TMEM38B: variants seen among roughly 807,000 people sequenced by gnomAD.
The protein encoded by TMEM38B is transmembrane protein 38B.
In TMEM38B, 24 loss-of-function variants were observed where a neutral mutation model predicts 28.7. That is an observed-to-expected ratio of 0.84 (90% CI 0.61 to 1.18). The LOEUF (loss-of-function observed/expected upper bound fraction) is 1.18. Ranked by LOEUF, TMEM38B falls within the 50% of genes most tolerant of loss-of-function variation. TMEM38B has a pLI of 0.00. For missense variants in TMEM38B, 380 were observed against 350.9 expected (o/e 1.08, Z -0.66); for synonymous variants, 131 against 127.7 (o/e 1.03, Z -0.17).
chr9:105,744,732 C>T (rs1837328524), intron 4 of TMEM38B, among the ~76,000 whole-genome samples: 1 of 152,094 alleles, frequency 6.6e-6, no homozygotes, highest in Non-Finnish European at 1.5e-5. Flanking sequence ...GCTATCCCTC[C>T]CCATTTCCCC....
intron 4 of TMEM38B, among the ~76,000 whole-genome samples, chr9:105,744,616 AG>A (rs1431266942): frequency 6.6e-6 from 1 of 151,014 alleles, no homozygotes; most frequent in Non-Finnish European, 1.5e-5. Context: ...TTTAAGTTTT[AG>A]GGTACATGTG....
chr9:105,773,272 G>A (rs1826618203), intron 5 of TMEM38B, among the ~76,000 whole-genome samples: 1 of 152,200 alleles, frequency 6.6e-6, no homozygotes, highest in Middle Eastern at 3.4e-3. Flanking sequence ...AATATATGTG[G>A]AAAAAATTGG....
intron 4 of TMEM38B, 31 bp downstream of exon 4, chr9:105,722,652 G>C (rs762995953): frequency 1.9e-6 from 3 of 1,557,072 alleles, no homozygotes; most frequent in Non-Finnish European, 1.8e-6. Flanking sequence ...CTGAGACCTA[G>C]ATGTTTATCC....
intron 2 of TMEM38B, among the ~76,000 whole-genome samples, chr9:105,706,877 A>G (rs942755025): frequency 2.6e-5 from 4 of 152,154 alleles, no homozygotes; most frequent in Admixed American, 2.6e-4. Flanking sequence ...CCTGGGTTCA[A>G]GCGATTCTCC....
chr9:105,753,484 G>A (rs111468427), intron 5 of TMEM38B, among the ~76,000 whole-genome samples: 264 of 152,226 alleles, frequency 1.7e-3, no homozygotes, highest in African/African-American at 4.7e-3. Flanking sequence ...GAAACCCTAC[G>A]AGCCAGAAGA....
chr9:105,761,259 T>G (rs1476038242), intron 5 of TMEM38B, among the ~76,000 whole-genome samples: 1 of 152,182 alleles, frequency 6.6e-6, no homozygotes, highest in East Asian at 1.9e-4. Context: ...TTTTTCCACT[T>G]TTGATCTATT....
intron 4 of TMEM38B, among the ~76,000 whole-genome samples, chr9:105,735,757 C>T (rs1242025080): frequency 2.0e-5 from 3 of 152,140 alleles, no homozygotes; most frequent in Non-Finnish European, 4.4e-5. Flanking sequence ...GATTATGCAT[C>T]TTGGTAAAGA....
chr9:105,699,804 A>G (rs544193501), intron 1 of TMEM38B, among the ~76,000 whole-genome samples: 4 of 152,234 alleles, frequency 2.6e-5, no homozygotes, highest in South Asian at 4.1e-4. Context: ...GTGATTGGCT[A>G]TAGTTTTCAG....
intron 1 of TMEM38B, among the ~76,000 whole-genome samples, chr9:105,703,823 T>G (rs1259794956): frequency 6.6e-6 from 1 of 152,154 alleles, no homozygotes; most frequent in African/African-American, 2.4e-5. Flanking sequence ...TTTTCATGTG[T>G]TTTTTGGCTG....
chr9:105,741,347 A>G (rs967797230), intron 4 of TMEM38B, among the ~76,000 whole-genome samples: 24 of 152,176 alleles, frequency 1.6e-4, no homozygotes, highest in African/African-American at 5.8e-4. Context: ...GGTGGAGGCT[A>G]GAGGAATTTT....
At chr9:105,749,205 A>T (rs1469022763) in intron 5 of TMEM38B, 1 of 887,946 alleles carries the variant, frequency 1.1e-6, no homozygotes, top group African/African-American at 1.8e-5. Context: ...AGCTTTATTG[A>T]GATATATTTT....
intron 5 of TMEM38B, among the ~76,000 whole-genome samples, chr9:105,752,166 C>T (rs569381027): frequency 6.6e-6 from 1 of 152,260 alleles, no homozygotes; most frequent in Admixed American, 6.5e-5. Flanking sequence ...AGCCAGGGTT[C>T]TCCATCTCTC....
chr9:105,775,249 G>T lies in TMEM38B; in HGVS notation c.*1169G>T, dbSNP rs1203805263. On this transcript the variant is annotated 3_prime_UTR_variant, in exon 6 of 6. Transcript: ENST00000374692. ...AAACAGAGAAACCAGAACTTCATAT[G>T]GCAGTCCATTTAGATGAAGAATGAT... is the stretch of plus-strand genomic sequence containing the variant. 1 of 152,054 alleles carries T rather than the reference G, an allele frequency of 6.6e-6. No individual in the cohort carries two copies. Among genetic ancestry groups the T allele is most frequent in the Non-Finnish European group, 1.5e-5 (1 of 67,974 alleles). The allele number at this position is 152,054 out of a possible 1,614,324, so 9.4% of individuals were successfully genotyped here.
At chr9:105,712,309 A>G (rs1321243342) in intron 2 of TMEM38B, among the ~76,000 whole-genome samples, 2 of 152,218 alleles carry the variant, frequency 1.3e-5, no homozygotes, top group Admixed American at 1.3e-4. Context: ...TTTATCACTC[A>G]GTGCTTATCC....
intron 5 of TMEM38B, among the ~76,000 whole-genome samples, chr9:105,750,485 G>A (rs902363742): frequency 2.0e-5 from 3 of 152,088 alleles, no homozygotes; most frequent in African/African-American, 2.4e-5. Flanking sequence ...TTAGTTGTGC[G>A]CGCCTGTAAT....
At chr9:105,731,277 T>C (rs1020713190) in intron 4 of TMEM38B, among the ~76,000 whole-genome samples, 1 of 150,856 alleles carries the variant, frequency 6.6e-6, no homozygotes, top group Non-Finnish European at 1.5e-5. Flanking sequence ...TTTGTTCTCA[T>C]TGGTTTCAAA....
rs539027733 is a variant in TMEM38B at position 105,694,599 on chromosome 9, A to C, written c.-62A>C. 3.0e-5 allele frequency: 43 copies of C among 1,429,772 alleles called. No homozygotes were observed. The East Asian group carries it at 6.2e-4, about 21-fold the overall frequency. The allele number at this position is 1,429,772 out of a possible 1,614,324, so 88.6% of individuals were successfully genotyped here. On this transcript the variant is annotated 5_prime_UTR_variant, in exon 1 of 6. Transcript: ENST00000374692. ...GCGGCTGTGCCCTCTCCTACTCCTC[A>C]CCGCGCGAGCGCGGGGAACCAGTAG...
chr9:105,772,791 A>G (rs1588484877), intron 5 of TMEM38B, among the ~76,000 whole-genome samples: 1 of 152,270 alleles, frequency 6.6e-6, no homozygotes, highest in East Asian at 1.9e-4. Flanking sequence ...AAATGATAGT[A>G]CACTATGGCT....
chr9:105,721,788 A>T (rs1411780968), intron 3 of TMEM38B, 67 bp downstream of exon 3: 2 of 1,204,506 alleles, frequency 1.7e-6, no homozygotes, highest in African/African-American at 1.6e-5. Context: ...ATTACTGAAC[A>T]ATTCTCTAGT....
Sources: gnomAD v4.1 joint callset for allele counts (sites outside exome capture counted in the v4.1 genomes callset) on GRCh38, gnomAD v4.1.1 for gene constraint, MANE v1.5 for transcripts, NCBI Gene and HGNC (gene_info 2026-07-23, HGNC 2026-07-21) for gene names.